Variants in DLGAP4 observed in about 807,000 individuals in gnomAD.
DLGAP4 encodes DLG associated protein 4.
A neutral mutation model predicts 86.9 loss-of-function variants in DLGAP4; 18 were observed. That is an observed-to-expected ratio of 0.21 (90% CI 0.14 to 0.31). The LOEUF is 0.31. Among genes scored for constraint, DLGAP4 ranks in the 10% least tolerant of loss-of-function variants. DLGAP4 has a pLI of 1.00. For missense variants in DLGAP4, 1,085 were observed against 1,362.6 expected (o/e 0.80, Z 3.21); for synonymous variants, 548 against 574.3 (o/e 0.95, Z 0.65).
At chr20:36,379,082 G>A (rs2031272522) in intron 2 of DLGAP4, among the ~76,000 whole-genome samples, 1 of 152,142 alleles carries the variant, frequency 6.6e-6, no homozygotes, top group South Asian at 2.1e-4. Flanking sequence ...AAGAGAGAGG[G>A]GGCCACAGGA....
chr20:36,404,343 T>C (rs2032249362), intron 2 of DLGAP4, among the ~76,000 whole-genome samples: 1 of 152,130 alleles, frequency 6.6e-6, no homozygotes, highest in Non-Finnish European at 1.5e-5. Flanking sequence ...GGGAAGGGCA[T>C]GCCAGAGGGG....
intron 7 of DLGAP4, chr20:36,462,013 G>T: frequency 1.0e-6 from 1 of 985,180 alleles, no homozygotes; most frequent in Non-Finnish European, 1.2e-6. Flanking sequence ...GGTTCCCCTT[G>T]AGAACACCTT....
intron 1 of DLGAP4, among the ~76,000 whole-genome samples, chr20:36,331,934 T>C (rs1196332444): frequency 1.1e-4 from 17 of 149,416 alleles, no homozygotes; most frequent in African/African-American, 4.0e-4. Context: ...ACTGGGGAGG[T>C]TGTGCTGGCG....
In DLGAP4 at chr20:36,524,236, CCT is replaced by C; in HGVS notation, c.2513-11_2513-10del. The C allele has an allele frequency of 6.2e-7, 1 of 1,610,492 alleles. No homozygotes were observed. Among genetic ancestry groups the C allele is most frequent in the Non-Finnish European group, 8.5e-7 (1 of 1,176,660 alleles). ...CTGTGCTAAATCAGTCTTTTTCCAC[CCT>C]CTGTTTCTCAGTCTTAGGAAAAGTC... On this transcript the variant is annotated splice_polypyrimidine_tract_variant and intron_variant, in intron 10 of 12. Coordinates refer to ENST00000339266, the MANE Select transcript of DLGAP4 (RefSeq NM_001365621.2).
chr20:36,333,285 A>G (rs1175640513), intron 1 of DLGAP4, among the ~76,000 whole-genome samples: 1 of 152,044 alleles, frequency 6.6e-6, no homozygotes, highest in Non-Finnish European at 1.5e-5. Flanking sequence ...TTCTCCTTCT[A>G]TTGGTGTGTG....
Position 36,432,467 on chromosome 20 carries a change from T to C in DLGAP4, c.750T>C (p.Ser250=). The C allele has an allele frequency of 6.2e-7, 1 of 1,613,542 alleles. No homozygotes were observed. Among genetic ancestry groups the C allele is most frequent in the Non-Finnish European group, 8.5e-7 (1 of 1,179,964 alleles). The part of the protein sequence containing the change: ...RYFMHAYNTI[S]GHMLKTTKNN... Reference sequence around the variant, plus strand: ...TCATGCACGCCTACAACACCATCAGTGGGCACATGCTCAAAACCACCAAGA... The same window carrying C: ...TCATGCACGCCTACAACACCATCAGCGGGCACATGCTCAAAACCACCAAGA... Residue 250 remains serine (S), a synonymous_variant, in exon 3 of 13, where the codon AGT becomes AGC. Transcript: ENST00000339266. This position sits in a 1 kb window ranked among gnomAD's most constrained non-coding sequence, Gnocchi z 6.5.
intron 7 of DLGAP4, among the ~76,000 whole-genome samples, chr20:36,496,258 C>G (rs114013821): frequency 0.017 from 2,543 of 152,086 alleles, 81 homozygotes; most frequent in African/African-American, 0.058. Flanking sequence ...AGGAAAAGAC[C>G]AGGGGGAGCA....
chr20:36,520,268 T>A (rs1202138948), intron 10 of DLGAP4, among the ~76,000 whole-genome samples: 1 of 152,212 alleles, frequency 6.6e-6, no homozygotes, highest in Non-Finnish European at 1.5e-5. Context: ...TATATATATA[T>A]TCTTGGCATT....
intron 1 of DLGAP4, among the ~76,000 whole-genome samples, chr20:36,357,389 T>A (rs1372026186): frequency 1.3e-5 from 2 of 152,194 alleles, no homozygotes; most frequent in African/African-American, 4.8e-5. Context: ...TTGTTGTTTC[T>A]AAAATCACCC....
chr20:36,405,293 T>TTCTCAGTG (rs1275998616), intron 2 of DLGAP4, among the ~76,000 whole-genome samples: 2 of 152,206 alleles, frequency 1.3e-5, no homozygotes, highest in Non-Finnish European at 2.9e-5. Context: ...AAATTACTTA[T>TTCTCAGTG]TCTCAGTGTC....
intron 7 of DLGAP4, among the ~76,000 whole-genome samples, chr20:36,460,615 C>T (rs913945625): frequency 2.6e-5 from 4 of 152,224 alleles, no homozygotes; most frequent in African/African-American, 9.7e-5. Flanking sequence ...GTTGGGTCTG[C>T]GTCTGGCAGA....
intron 2 of DLGAP4, among the ~76,000 whole-genome samples, chr20:36,386,344 G>A (rs549880992): frequency 4.0e-5 from 6 of 151,834 alleles, no homozygotes; most frequent in Non-Finnish European, 5.9e-5. Context: ...CACAGAGCAA[G>A]CATGTTTGCT....
At chr20:36,320,023 TCC>T (rs1555890367) in intron 1 of DLGAP4, among the ~76,000 whole-genome samples, 1 of 143,586 alleles carries the variant, frequency 7.0e-6, no homozygotes, top group East Asian at 2.2e-4. Flanking sequence ...TCCCTCTGTG[TCC>T]CCCTCTCCCA....
chr20:36,524,396 T>C, intron 11 of DLGAP4, 55 bp downstream of exon 11: 1 of 1,485,392 alleles, frequency 6.7e-7, no homozygotes, highest in Admixed American at 1.9e-5. Flanking sequence ...GGCTGCCCAC[T>C]ATACTCTGCC....
intron 7 of DLGAP4, among the ~76,000 whole-genome samples, chr20:36,458,136 T>G (rs1451557543): frequency 6.6e-6 from 1 of 151,920 alleles, no homozygotes; most frequent in Non-Finnish European, 1.5e-5. Flanking sequence ...TGGAAACAAC[T>G]TTGTCTTTTG....
intron 2 of DLGAP4, among the ~76,000 whole-genome samples, chr20:36,417,888 G>A (rs776825056): frequency 3.9e-5 from 6 of 151,950 alleles, no homozygotes; most frequent in Non-Finnish European, 5.9e-5. Flanking sequence ...AAGTTCAAGC[G>A]ATTCTCCTGC....
intron 2 of DLGAP4, among the ~76,000 whole-genome samples, chr20:36,411,112 T>TC (rs1419021595): frequency 2.6e-5 from 4 of 152,186 alleles, no homozygotes; most frequent in Non-Finnish European, 5.9e-5. Context: ...TGCCTCATCC[T>TC]CCAAGTAGCT....
At chr20:36,322,384 A>G (rs1348922863) in intron 1 of DLGAP4, among the ~76,000 whole-genome samples, 1 of 152,088 alleles carries the variant, frequency 6.6e-6, no homozygotes, top group Non-Finnish European at 1.5e-5. Flanking sequence ...TTGGGGATTT[A>G]CATAAGAGCG....
intron 1 of DLGAP4, among the ~76,000 whole-genome samples, chr20:36,332,470 A>G (rs2065279242): frequency 6.6e-6 from 1 of 151,208 alleles, no homozygotes; most frequent in African/African-American, 2.4e-5. Flanking sequence ...GTTCACTGCA[A>G]CCTCTGCCTC....
Sources: gnomAD v4.1 joint callset for allele counts (sites outside exome capture counted in the v4.1 genomes callset) on GRCh38, gnomAD v4.1.1 for gene constraint, Gnocchi (gnomAD v3.1) non-coding constraint, MANE v1.5 for transcripts, NCBI Gene and HGNC (gene_info 2026-07-23, HGNC 2026-07-21) for gene names.